PAPOLA: variants seen among roughly 807,000 people sequenced by gnomAD.
PAPOLA encodes poly(A) polymerase alpha, also known as polynucleotide adenylyltransferase alpha.
A neutral mutation model predicts 100.6 loss-of-function variants in PAPOLA; 15 were observed. The ratio of observed to expected loss-of-function variants is 0.15; its 90% CI spans 0.10 to 0.23. PAPOLA has a LOEUF of 0.23. PAPOLA is among the 10% of genes least tolerant of loss of function. PAPOLA has a pLI of 1.00. For synonymous variants in PAPOLA, 293 were observed against 300.0 expected, an observed-to-expected ratio of 0.98 and a Z score of 0.24; for missense variants, 533 against 884.2, an observed-to-expected ratio of 0.60 and a Z score of 5.04.
intron 6 of PAPOLA, among the ~76,000 whole-genome samples, chr14:96,530,685 C>T (rs1484599998): frequency 6.6e-6 from 1 of 152,082 alleles, no homozygotes; most frequent in African/African-American, 2.4e-5. Context: ...TACCCCCAGC[C>T]TATATTGCCA....
chr14:96,537,661 CATTA>C (rs1899649873), intron 12 of PAPOLA: 1 of 151,916 alleles, frequency 6.6e-6, no homozygotes, highest in African/African-American at 2.4e-5. Context: ...TTAAAAGCTT[CATTA>C]ATTGTGTTAG....
chr14:96,522,125 T>TTC (rs1417025837), intron 3 of PAPOLA, among the ~76,000 whole-genome samples: 2 of 134,202 alleles, frequency 1.5e-5, no homozygotes, highest in South Asian at 2.6e-4. Flanking sequence ...TCTTTTTTTT[T>TTC]TTTTTTTTTT....
intron 14 of PAPOLA, among the ~76,000 whole-genome samples, chr14:96,543,123 G>A (rs1171319245): frequency 6.6e-6 from 1 of 152,090 alleles, no homozygotes; most frequent in Non-Finnish European, 1.5e-5. Context: ...TTCCAATGAT[G>A]AGGTGCCTGT....
At chr14:96,531,634 ATTAG>A (rs1224715104) in intron 7 of PAPOLA, 48 bp downstream of exon 7, 1 of 1,559,390 alleles carries the variant, frequency 6.4e-7, no homozygotes, top group East Asian at 2.4e-5. Context: ...TTTGTCAGAT[ATTAG>A]TTGTTTTTAC....
intron 19 of PAPOLA, among the ~76,000 whole-genome samples, chr14:96,558,502 A>C (rs1293568926): frequency 6.6e-6 from 1 of 152,182 alleles, no homozygotes; most frequent in African/African-American, 2.4e-5. Context: ...TTTTGTTTGC[A>C]CTTACCTTGG....
At chr14:96,552,267 A>G (rs1900903108) in intron 16 of PAPOLA, among the ~76,000 whole-genome samples, 1 of 152,160 alleles carries the variant, frequency 6.6e-6, no homozygotes, top group African/African-American at 2.4e-5. Context: ...TTTCTCCCAC[A>G]TAAGAACTAT....
Position 96,544,157 on chromosome 14 carries a change from T to G in PAPOLA, c.1298T>G (p.Phe433Cys). ...AATGCTCTTCTTTGCAGGGAAGAAT[T>G]TCGCACGATGTGGGTGATTGGGTTA... ...APKENPDKEE[F>C]RTMWVIGLVF... The change falls in exon 15 of 22, where the codon TTT becomes TGT. Residue 433 changes from phenylalanine (F) to cysteine (C), a missense_variant. Coordinates refer to ENST00000216277, the MANE Select transcript of PAPOLA (RefSeq NM_032632.5). The G allele has an allele frequency of 6.3e-7, 1 of 1,591,854 alleles. No individual in the cohort carries two copies. The highest frequency in any genetic ancestry group is 8.6e-7 in the Non-Finnish European group (1 of 1,160,788).
In PAPOLA at chr14:96,566,994, C is replaced by T. The variant is rs1902321938; in HGVS notation, c.*1944C>T. On this transcript the variant is annotated 3_prime_UTR_variant, in exon 22 of 22. Coordinates refer to ENST00000216277, the MANE Select transcript of PAPOLA (RefSeq NM_032632.5). ...CTTTCGCATGATGTATGTAGTGTCTCATGACTGGAGTTTGCTTTGTTTTAT... is the reference window on the plus strand; with the variant it reads ...CTTTCGCATGATGTATGTAGTGTCTTATGACTGGAGTTTGCTTTGTTTTAT... 1 of 152,424 alleles carries T rather than the reference C, an allele frequency of 6.6e-6. No individual in the cohort carries two copies. The highest frequency in any genetic ancestry group is 1.5e-5 in the Non-Finnish European group (1 of 67,980). The allele number at this position is 152,424 out of a possible 1,614,324, so 9.4% of individuals were successfully genotyped here. A position where few individuals can be genotyped will look rare whatever the true frequency, so the allele number is the denominator to read the frequency against.
chr14:96,545,366 G>A (rs1418505171), intron 15 of PAPOLA, among the ~76,000 whole-genome samples: 2 of 152,028 alleles, frequency 1.3e-5, no homozygotes, highest in African/African-American at 2.4e-5. Context: ...GTAGAATCGC[G>A]AGCAGTGTGA....
chr14:96,527,601 A>C, intron 5 of PAPOLA, 62 bp downstream of exon 5: 1 of 894,424 alleles, frequency 1.1e-6, no homozygotes, highest in Non-Finnish European at 1.8e-6. Flanking sequence ...CAGTTGAGTG[A>C]ATTTTATGAT....
chr14:96,518,749 A>G (rs1897688776), intron 1 of PAPOLA, among the ~76,000 whole-genome samples: 1 of 151,846 alleles, frequency 6.6e-6, no homozygotes, highest in Non-Finnish European at 1.5e-5. Context: ...AATTGTATTT[A>G]GAACTTGGTA....
rs1297817822 is a variant in PAPOLA, at chr14:96,537,402, CAG to C, written c.1115+343_1115+344del. The C allele has an allele frequency of 6.5e-5, 12 of 184,210 alleles. No homozygotes were observed. The East Asian group carries it at 1.6e-3, about 24-fold the overall frequency. The allele number at this position is 184,210 out of a possible 1,614,324, so 11.4% of individuals were successfully genotyped here. On this transcript the variant is annotated intron_variant, in intron 12 of 21. Coordinates refer to ENST00000216277, the MANE Select transcript of PAPOLA (RefSeq NM_032632.5). ...TAGTTAATAATTCTCTGCTAAGAAA[CAG>C]TATTTTTATCTAATTCTGGAAACTC... is the stretch of plus-strand genomic sequence containing the variant.
chr14:96,536,949 A>G (rs1899592797), intron 11 of PAPOLA, 27 bp from the exon 12 acceptor site: 1 of 1,347,488 alleles, frequency 7.4e-7, no homozygotes, highest in South Asian at 1.2e-5. Context: ...TGAAGTATGC[A>G]AACATTTTAA....
At chr14:96,564,686 A>G (rs1453135680) in intron 21 of PAPOLA, among the ~76,000 whole-genome samples, 1 of 152,088 alleles carries the variant, frequency 6.6e-6, no homozygotes, top group East Asian at 1.9e-4. Flanking sequence ...TAGAGGAACA[A>G]TTTTAAAAAC....
chr14:96,528,836 C>A (rs971180019), intron 6 of PAPOLA, among the ~76,000 whole-genome samples: 5 of 152,076 alleles, frequency 3.3e-5, no homozygotes, highest in African/African-American at 1.2e-4. Flanking sequence ...AAGTGACTGA[C>A]CTTAATAAGT....
chr14:96,564,059 G>A (rs963374792), intron 21 of PAPOLA, among the ~76,000 whole-genome samples: 1 of 151,922 alleles, frequency 6.6e-6, no homozygotes, highest in Non-Finnish European at 1.5e-5. Context: ...AGTTATGTAA[G>A]AAGAATGATT....
At chr14:96,552,203 G>A (rs140471916) in intron 16 of PAPOLA, among the ~76,000 whole-genome samples, 203 of 152,158 alleles carry the variant, frequency 1.3e-3, no homozygotes, top group African/African-American at 4.5e-3. Flanking sequence ...TTTTTAATTT[G>A]TGTTGTATCT....
Position 96,523,971 on chromosome 14 carries a change from A to C in PAPOLA, c.250-1339A>C, listed in dbSNP as rs1898242760. On this transcript the variant is annotated intron_variant, in intron 3 of 21. Transcript: ENST00000216277. ...AAAAAAAAAAAAAAAAATTACACAC[A>C]TAACTTGTCTATTAGTGTCTATAGT... is the stretch of plus-strand genomic sequence containing the variant. Among the ~76,000 whole-genome samples the C allele has an allele frequency of 7.9e-5, 12 of 152,048 alleles. No individual in the cohort carries two copies. The South Asian group carries it at 1.7e-3, about 21-fold the overall frequency.
chr14:96,546,363 G>C (rs780772778), intron 15 of PAPOLA, among the ~76,000 whole-genome samples: 12 of 152,068 alleles, frequency 7.9e-5, no homozygotes, highest in East Asian at 1.9e-4. Context: ...CCCTTCAGCT[G>C]TTCTTACCTA....
Sources: allele counts gnomAD v4.1 joint callset (sites outside exome capture counted in the v4.1 genomes callset), GRCh38; gene constraint gnomAD v4.1.1; transcripts MANE v1.5; gene names NCBI Gene and HGNC (gene_info 2026-07-23, HGNC 2026-07-21).